The following AP3B1 variants were observed in gnomAD, a reference collection of about 807,000 sequenced individuals.
AP3B1 encodes AP-3 complex subunit beta-1.
AP3B1 carries 61 observed loss-of-function variants against 132.5 expected under a neutral mutation model. That is an observed-to-expected ratio of 0.46 (90% CI 0.37 to 0.57). The LOEUF is 0.57. AP3B1 is among the 20% of genes least tolerant of loss of function. AP3B1 has a pLI of 0.00. For synonymous variants in AP3B1, 388 were observed against 438.3 expected, an observed-to-expected ratio of 0.89 and a Z score of 1.43; for missense variants, 1,120 against 1,289.4, an observed-to-expected ratio of 0.87 and a Z score of 2.01.
chr5:78,169,504 C>G (rs1225760273), intron 11 of AP3B1, among the ~76,000 whole-genome samples: 2 of 152,144 alleles, frequency 1.3e-5, no homozygotes, highest in African/African-American at 4.8e-5. Flanking sequence ...CAATGGCTCA[C>G]TGCAGCCTCA....
At chr5:78,170,878 A>C (rs545085316) in intron 11 of AP3B1, among the ~76,000 whole-genome samples, 1 of 152,302 alleles carries the variant, frequency 6.6e-6, no homozygotes, top group South Asian at 2.1e-4. Context: ...CTAACATTTA[A>C]GTCTTTAATC....
chr5:78,258,387 C>T (rs551153083), intron 2 of AP3B1, among the ~76,000 whole-genome samples: 3 of 152,210 alleles, frequency 2.0e-5, no homozygotes, highest in African/African-American at 4.8e-5. Context: ...TTTGAAAAGA[C>T]GTTACTCAAA....
chr5:78,114,360 C>G (rs1226894703), intron 18 of AP3B1, among the ~76,000 whole-genome samples: 1 of 152,014 alleles, frequency 6.6e-6, no homozygotes, highest in Admixed American at 6.5e-5. Flanking sequence ...TTCTTAGGAA[C>G]AAATTTTGAG....
At chr5:78,225,043 T>A (rs558822352) in intron 6 of AP3B1, among the ~76,000 whole-genome samples, 1 of 152,192 alleles carries the variant, frequency 6.6e-6, no homozygotes, top group Admixed American at 6.5e-5. Flanking sequence ...GATCAAATGC[T>A]AAGCCATAAA....
intron 22 of AP3B1, among the ~76,000 whole-genome samples, chr5:78,085,051 T>TA (rs1313895947): frequency 1.3e-5 from 2 of 152,212 alleles, no homozygotes; most frequent in Non-Finnish European, 2.9e-5. Context: ...TAAATCTGTG[T>TA]AATTCTAATT....
chr5:78,165,794 C>A, intron 11 of AP3B1, 122 bp from the exon 12 acceptor site: 1 of 776,282 alleles, frequency 1.3e-6, no homozygotes. Context: ...GTCAGCCGGG[C>A]ACAGTGGCTC....
chr5:78,117,460 C>T (rs148649684), intron 17 of AP3B1, among the ~76,000 whole-genome samples: 4,211 of 152,000 alleles, frequency 0.028, 211 homozygotes, highest in African/African-American at 0.097. Context: ...CAGGCACCCA[C>T]CACCACGCCC....
At chr5:78,122,565 G>A (rs1291637756) in intron 17 of AP3B1, among the ~76,000 whole-genome samples, 1 of 152,136 alleles carries the variant, frequency 6.6e-6, no homozygotes, top group Admixed American at 6.5e-5. Context: ...GACAAACAGA[G>A]AGCCAAATCA....
At chr5:78,019,113 T>C (rs554786089) in intron 25 of AP3B1, among the ~76,000 whole-genome samples, 2 of 152,246 alleles carry the variant, frequency 1.3e-5, no homozygotes, top group African/African-American at 4.8e-5. Context: ...CTATTAAACA[T>C]AGCAAACAGC....
intron 7 of AP3B1, among the ~76,000 whole-genome samples, chr5:78,192,621 G>A (rs571294164): frequency 1.3e-5 from 2 of 152,188 alleles, no homozygotes; most frequent in East Asian, 1.9e-4. Context: ...CAGCCTGGGC[G>A]GCAGAGCAAG....
intron 7 of AP3B1, among the ~76,000 whole-genome samples, chr5:78,182,631 A>G (rs1435764861): frequency 6.6e-6 from 1 of 152,150 alleles, no homozygotes; most frequent in Non-Finnish European, 1.5e-5. Flanking sequence ...AACCACCAGA[A>G]CCGCTCTCTC....
chr5:78,090,673 A>T (rs892106500), intron 21 of AP3B1, among the ~76,000 whole-genome samples: 1 of 152,258 alleles, frequency 6.6e-6, no homozygotes, highest in Admixed American at 6.5e-5. Context: ...GTGTGAACAG[A>T]CAATAACATT....
chr5:78,150,338 C>T (rs989975472), intron 14 of AP3B1, among the ~76,000 whole-genome samples: 2 of 152,084 alleles, frequency 1.3e-5, no homozygotes, highest in Non-Finnish European at 2.9e-5. Flanking sequence ...AAGTAGTTAG[C>T]GTAGTCCAAT....
rs368425320 is a variant in AP3B1 at position 78,149,928 on chromosome 5, C to CT, written c.1473+6329dup. On this transcript the variant is annotated intron_variant, in intron 14 of 26. Transcript: ENST00000255194. ...TGCTAAATGACTCCTGTAAGCCATA[C>CT]TTTTTTTTTTTTTTAGCTTTAAGAT... 1.9e-3 allele frequency among the ~76,000 whole-genome samples: 269 copies of CT among 144,108 alleles called. 1 individual carries two copies. Among genetic ancestry groups the CT allele is most frequent in the South Asian group, 0.013 (59 of 4,466 alleles). The allele number at this position is 144,108 out of a possible 152,430, so 94.5% of individuals were successfully genotyped here.
intron 5 of AP3B1, 46 bp from the exon 6 acceptor site, chr5:78,225,654 G>A: frequency 1.6e-6 from 2 of 1,227,808 alleles, no homozygotes; most frequent in African/African-American, 1.5e-5. Context: ...TTTAATTCTA[G>A]CTTTACATGA....
chr5:78,128,072 C>T lies in AP3B1; in HGVS notation c.1926G>A (p.Val642=). ...GYLELSNWPE[V]APDPSVRNVE... Reference sequence around the variant, plus strand: ...CATTTCGAACTGATGGGTCGGGCGCCACCTCTGGCCAATTAGATAATTCCA... The same window carrying T: ...CATTTCGAACTGATGGGTCGGGCGCTACCTCTGGCCAATTAGATAATTCCA... Residue 642 remains valine, a synonymous_variant, in exon 17 of 27, where the codon GTG becomes GTA. Coordinates refer to ENST00000255194, the MANE Select transcript of AP3B1 (RefSeq NM_003664.5). 6.2e-7 allele frequency: 1 copy of T among 1,613,328 alleles called. No individual in the cohort carries two copies. The highest frequency in any genetic ancestry group is 8.5e-7 in the Non-Finnish European group (1 of 1,179,418).
intron 25 of AP3B1, among the ~76,000 whole-genome samples, chr5:78,016,165 G>GA (rs1382408346): frequency 6.6e-6 from 1 of 151,540 alleles, no homozygotes; most frequent in Admixed American, 6.6e-5. Flanking sequence ...AACACTAATT[G>GA]AAACTCCTGA....
Position 78,115,711 on chromosome 5 carries a change from G to C in AP3B1, c.2077+415C>G, listed in dbSNP as rs1048796761. ...ATCTCTATAGAGGTTCACAGAAAGA[G>C]ATAAGTATAAAATGAAAGAGAAAAA... On this transcript the variant is annotated intron_variant, in intron 18 of 26. Coordinates refer to ENST00000255194, the MANE Select transcript of AP3B1 (RefSeq NM_003664.5). 7.9e-5 allele frequency among the ~76,000 whole-genome samples: 12 copies of C among 151,976 alleles called. 1 individual carries two copies. The highest frequency in any genetic ancestry group is 3.3e-4 in the Admixed American group (5 of 15,264).
rs571393248 is a variant in AP3B1 at position 78,192,217 on chromosome 5, A to C, written c.787-10555T>G. Among the ~76,000 whole-genome samples, 22 of 152,268 alleles carry C rather than the reference A, an allele frequency of 1.4e-4. No individual in the cohort carries two copies. In the South Asian group the frequency reaches 1.9e-3, roughly 13 times the overall value. On this transcript the variant is annotated intron_variant, in intron 7 of 26. Coordinates refer to ENST00000255194, the MANE Select transcript of AP3B1 (RefSeq NM_003664.5). ...TTTAAAATAAGCATACAAGAAAAAA[A>C]GACAAAAATGTAAATATAAACCAAG...
Sources: allele counts gnomAD v4.1 joint callset (sites outside exome capture counted in the v4.1 genomes callset), GRCh38; gene constraint gnomAD v4.1.1; transcripts MANE v1.5; gene names NCBI Gene and HGNC (gene_info 2026-07-23, HGNC 2026-07-21).